The following CEP131 variants were observed in gnomAD, a reference collection of about 807,000 sequenced individuals.
CEP131 encodes the protein centrosomal protein of 131 kDa.
A neutral mutation model predicts 136.8 loss-of-function variants in CEP131; 99 were observed. The ratio of observed to expected loss-of-function variants is 0.72; its 90% CI spans 0.62 to 0.86. The LOEUF (loss-of-function observed/expected upper bound fraction) is 0.86. CEP131 is among the 40% of genes least tolerant of loss of function. CEP131 has a pLI of 0.00. For synonymous variants in CEP131, 646 were observed against 612.7 expected (o/e 1.05, Z -0.80); for missense variants, 1,459 against 1,463.0 (o/e 1.00, Z 0.04).
At chr17:81,197,430 C>T in intron 13 of CEP131, 1 of 546,218 alleles carries the variant, frequency 1.8e-6, no homozygotes, top group Non-Finnish European at 3.2e-6. Context: ...CACATATGGG[C>T]TCGTGGAGGC....
chr17:81,192,872 G>C (rs1201515200), intron 18 of CEP131, 29 bp from the exon 19 acceptor site: 1 of 1,581,504 alleles, frequency 6.3e-7, no homozygotes, highest in South Asian at 1.1e-5. Flanking sequence ...TGGCTCTCGG[G>C]GGCCGGGACG....
chr17:81,222,287 C>T (rs2062404948), intron 1 of CEP131, among the ~76,000 whole-genome samples: 1 of 136,390 alleles, frequency 7.3e-6, no homozygotes, highest in Non-Finnish European at 1.6e-5. Context: ...GACCTGGTTC[C>T]CAGGGTGGGC....
In CEP131 at chr17:81,219,087, AG is replaced by A. The variant is rs2062324522; in HGVS notation, c.177+792del. On this transcript the variant is annotated intron_variant, in intron 2 of 25. Coordinates refer to ENST00000450824, the MANE Select transcript of CEP131 (RefSeq NM_014984.4). The surrounding 1 kb of genome is among the most constrained non-coding windows in gnomAD (Gnocchi z 4.0). ...GACTGGGCCTGGCAGACACCAACTC[AG>A]GGTGCAGCAGGCCCGGCCTGCCTTT... Among the ~76,000 whole-genome samples the A allele has an allele frequency of 5.9e-5, 9 of 151,932 alleles. 1 individual carries two copies. The highest frequency in any genetic ancestry group is 5.9e-4 in the Admixed American group (9 of 15,266).
In CEP131 at chr17:81,194,954, C is replaced by A; in HGVS notation, c.2035G>T (p.Glu679Ter). The A allele has an allele frequency of 6.4e-7, 1 of 1,570,448 alleles. No homozygotes were observed. The highest frequency in any genetic ancestry group is 8.6e-7 in the Non-Finnish European group (1 of 1,161,472). Residue 679 changes from glutamate (E) to a stop codon, truncating the protein, a stop_gained, in exon 17 of 26, where the codon GAA (glutamate) becomes TAA (stop). Transcript: ENST00000450824. LOFTEE classifies it high-confidence loss of function. ...QHELEIKKLK[E>*]LMSATEKARR... ...GCTTTCTCGGTGGCGCTCATTAATT[C>A]TTTGAGTTTTTTAATCTCCTACGAG... is the stretch of plus-strand genomic sequence containing the variant.
chr17:81,192,881 C>T (rs770411034), intron 18 of CEP131, 38 bp from the exon 19 acceptor site: 74 of 1,576,826 alleles, frequency 4.7e-5, no homozygotes, highest in Middle Eastern at 4.0e-4. Context: ...GGGGCCGGGA[C>T]GGGCGGTCCC....
intron 5 of CEP131, among the ~76,000 whole-genome samples, chr17:81,204,222 G>C (rs914836585): frequency 2.0e-5 from 3 of 152,176 alleles, no homozygotes; most frequent in African/African-American, 7.2e-5. Context: ...GACAGGCTTT[G>C]AGGCAAAGGG....
Position 81,196,934 on chromosome 17 carries a change from G to C in CEP131, c.1769C>G (p.Ala590Gly). Residue 590 changes from alanine (A) to glycine (G), a missense_variant, in exon 14 of 26, where the codon GCG (alanine) becomes GGG (glycine). By Grantham distance (60) the Ala-to-Gly change is moderately conservative. Coordinates refer to ENST00000450824, the MANE Select transcript of CEP131 (RefSeq NM_014984.4). Reference sequence around the variant, plus strand: ...TAGCAGTGCCAGCAGCGTTACCAGCGCTCTCTGCAGCAGCAGCATGGCCTG... The same window carrying C: ...TAGCAGTGCCAGCAGCGTTACCAGCCCTCTCTGCAGCAGCAGCATGGCCTG... ...KKQAMLLLQR[A>G]LAQQRDLTAR... 1 of 1,609,420 alleles carries C rather than the reference G, an allele frequency of 6.2e-7. No individual in the cohort carries two copies. The highest frequency in any genetic ancestry group is 8.5e-7 in the Non-Finnish European group (1 of 1,178,382).
chr17:81,203,631 G>A lies in CEP131; in HGVS notation c.516-24C>T, dbSNP rs1332746614. The A allele has an allele frequency of 6.4e-7, 1 of 1,552,650 alleles. No homozygotes were observed. Among genetic ancestry groups the A allele is most frequent in the East Asian group, 2.4e-5 (1 of 42,444 alleles). ...TCCTGCCAGGCCGGAAGAGAGACAG[G>A]AATGGTCAGGCCTCTGGAGGGGACG... On this transcript the variant is annotated intron_variant, in intron 5 of 25. Transcript: ENST00000450824. This position sits in a 1 kb window ranked among gnomAD's most constrained non-coding sequence, Gnocchi z 4.6.
chr17:81,201,876 C>T (rs1283312866), intron 7 of CEP131, among the ~76,000 whole-genome samples: 9 of 152,196 alleles, frequency 5.9e-5, no homozygotes, highest in Middle Eastern at 3.4e-3. Context: ...CGGAGGCGGG[C>T]GGATCACGAG....
At position 81,199,866 on chromosome 17, in the gene CEP131, T is replaced by C. The variant is rs1222042507; in HGVS notation, c.907-31A>G. 2.5e-6 allele frequency: 4 copies of C among 1,603,306 alleles called. No individual in the cohort carries two copies. The African/African-American group carries it at 5.3e-5, about 21-fold the overall frequency. On this transcript the variant is annotated intron_variant, in intron 8 of 25. Transcript: ENST00000450824. ...AAAGAAGCCGGTGCCATGTGGCGTT[T>C]ACATCTGGAAGACGGAATCCAGACC...
At chr17:81,212,426 C>T (rs550490694) in intron 2 of CEP131, among the ~76,000 whole-genome samples, 2 of 152,082 alleles carry the variant, frequency 1.3e-5, no homozygotes. Flanking sequence ...GTCCAAGCAG[C>T]CCTGGACAGG....
intron 2 of CEP131, among the ~76,000 whole-genome samples, chr17:81,212,729 C>G (rs2062161408): frequency 6.6e-6 from 1 of 152,106 alleles, no homozygotes; most frequent in South Asian, 2.1e-4. Context: ...ACGATGGGGC[C>G]GCATCCTCAC....
At chr17:81,218,262 T>C (rs1220442397) in intron 2 of CEP131, among the ~76,000 whole-genome samples, 1 of 152,166 alleles carries the variant, frequency 6.6e-6, no homozygotes, top group East Asian at 1.9e-4. Flanking sequence ...AGGCTGGTAT[T>C]GAACTCCTGA....
In CEP131 at chr17:81,220,027, G is replaced by A. The variant is rs748150466; in HGVS notation, c.30C>T (p.Val10=). ...CCACACCTGCTGGGCTGCGCTCCGG[G>A]ACGCTGCCGATGGCCCGGGTGCCTT... MKGTRAIGS[V]PERSPAGVDL... Residue 10 remains valine, a synonymous_variant, in exon 2 of 26, where the codon GTC becomes GTT. Coordinates refer to ENST00000450824, the MANE Select transcript of CEP131 (RefSeq NM_014984.4). 26 of 1,599,358 alleles carry A rather than the reference G, an allele frequency of 1.6e-5. No homozygotes were observed. The highest frequency in any genetic ancestry group is 2.0e-5 in the Non-Finnish European group (23 of 1,173,292).
chr17:81,198,965 C>T lies in CEP131; in HGVS notation c.1199G>A (p.Gly400Asp). ...GTCTCCGGGGCCTGCAGCAGGGAGG[C>T]CACCACCTGCACAGCAGAACACAGC... is the stretch of plus-strand genomic sequence containing the variant. ...QALKANNTGG[G>D]LPAAGPGDRC... The change falls in exon 11 of 26, where the codon GGC becomes GAC. Residue 400 changes from glycine to aspartate, a missense_variant. Coordinates refer to ENST00000450824, the MANE Select transcript of CEP131 (RefSeq NM_014984.4). 6.4e-7 allele frequency: 1 copy of T among 1,565,406 alleles called. No individual in the cohort carries two copies. Among genetic ancestry groups the T allele is most frequent in the Non-Finnish European group, 8.6e-7 (1 of 1,158,004 alleles).
At position 81,203,206 on chromosome 17, in the gene CEP131, T is replaced by C. The variant is rs2061932061; in HGVS notation, c.629+288A>G. 6.6e-6 allele frequency among the ~76,000 whole-genome samples: 1 copy of C among 151,998 alleles called. No homozygotes were observed. Among genetic ancestry groups the C allele is most frequent in the Non-Finnish European group, 1.5e-5 (1 of 67,968 alleles). On this transcript the variant is annotated intron_variant, in intron 6 of 25. Transcript: ENST00000450824. This position sits in a 1 kb window ranked among gnomAD's most constrained non-coding sequence, Gnocchi z 4.6. ...GAGCCCCAGACCTCACTGTGCCACA[T>C]CTGGGCTGTTTTCTCTCTGTGGGAA... is the stretch of plus-strand genomic sequence containing the variant.
At chr17:81,216,908 G>A (rs2062258751) in intron 2 of CEP131, among the ~76,000 whole-genome samples, 1 of 152,248 alleles carries the variant, frequency 6.6e-6, no homozygotes, top group Non-Finnish European at 1.5e-5. Flanking sequence ...TCAGGGGAGG[G>A]ATGAAGGGGC....
rs866489321 is a variant in CEP131, at chr17:81,199,635, C to T, written c.1023+84G>A. Reference sequence around the variant, plus strand: ...CAAGCTGCCCTGAGGCTAAGTGTCCCGGGGCCCAGGGAGCCCCAGCAGCAG... The same window carrying T: ...CAAGCTGCCCTGAGGCTAAGTGTCCTGGGGCCCAGGGAGCCCCAGCAGCAG... On this transcript the variant is annotated intron_variant, in intron 9 of 25. Transcript: ENST00000450824. The T allele has an allele frequency of 2.9e-5, 47 of 1,595,528 alleles. No homozygotes were observed. The Middle Eastern group carries it at 6.2e-4, about 21-fold the overall frequency.
rs752612451 is a variant in CEP131, at chr17:81,208,992, T to C, written c.208A>G (p.Ile70Val). 2 of 1,613,950 alleles carry C rather than the reference T, an allele frequency of 1.2e-6. No homozygotes were observed. Among genetic ancestry groups the C allele is most frequent in the South Asian group, 2.2e-5 (2 of 91,072 alleles). Residue 70 changes from isoleucine to valine, a missense_variant, in exon 3 of 26, where the codon ATC becomes GTC. Physicochemically the swap from Ile to Val is conservative, Grantham distance 29 (BLOSUM62 3). This residue lies in a region of CEP131 where 187 missense variants were observed against 179.9 expected (regional missense o/e 1.04). Coordinates refer to ENST00000450824, the MANE Select transcript of CEP131 (RefSeq NM_014984.4). This position sits in a 1 kb window ranked among gnomAD's most constrained non-coding sequence, Gnocchi z 5.6. Reference protein sequence around the residue: ...EATGPGGSQAINNLRRSNSTT... With the variant: ...EATGPGGSQAVNNLRRSNSTT... Reference sequence around the variant, plus strand: ...CTGTTGGATCTTCTAAGGTTGTTGATGGCCTGGGAGCCCCCAGGCCCTGTG... The same window carrying C: ...CTGTTGGATCTTCTAAGGTTGTTGACGGCCTGGGAGCCCCCAGGCCCTGTG...
Sources: allele counts gnomAD v4.1 joint callset (sites outside exome capture counted in the v4.1 genomes callset), GRCh38; gene constraint gnomAD v4.1.1; regional missense constraint gnomAD v4.1.1; non-coding constraint Gnocchi (gnomAD v3.1); transcripts MANE v1.5; gene names NCBI Gene and HGNC (gene_info 2026-07-23, HGNC 2026-07-21).